ARG2: variants seen among roughly 807,000 people sequenced by gnomAD.
ARG2 encodes arginase 2.
In ARG2, 21 loss-of-function variants were observed where a neutral mutation model predicts 39.4. The ratio of observed to expected loss-of-function variants is 0.53; its 90% CI spans 0.38 to 0.77. The LOEUF is 0.77. ARG2 is among the 30% of genes least tolerant of loss of function. The pLI is 0.00. For synonymous variants in ARG2, 150 were observed against 156.7 expected (o/e 0.96, Z 0.32); for missense variants, 378 against 426.2 (o/e 0.89, Z 1.00).
intron 2 of ARG2, among the ~76,000 whole-genome samples, chr14:67,631,800 T>C (rs2036921586): frequency 6.6e-6 from 1 of 152,168 alleles, no homozygotes; most frequent in South Asian, 2.1e-4. Context: ...ATTCTCCTGC[T>C]TTATCCTGTC....
chr14:67,627,381 G>T (rs182943767), intron 2 of ARG2, among the ~76,000 whole-genome samples: 1 of 151,370 alleles, frequency 6.6e-6, no homozygotes, highest in Non-Finnish European at 1.5e-5. Context: ...AGTTTTATGT[G>T]TTTATATTTT....
intron 2 of ARG2, among the ~76,000 whole-genome samples, chr14:67,621,382 C>G (rs930289745): frequency 6.6e-6 from 1 of 152,014 alleles, no homozygotes; most frequent in African/African-American, 2.4e-5. Flanking sequence ...TTACTGGAAG[C>G]AGTAATATAG....
rs869215946 is a variant in ARG2 at position 67,642,793 on chromosome 14, CTTTTTTTTTTTTT to C, written c.362+445_362+457del. Among the ~76,000 whole-genome samples, 343 of 75,572 alleles carry C rather than the reference CTTTTTTTTTTTTT, an allele frequency of 4.5e-3. 7 individuals are homozygous for C. Among genetic ancestry groups the C allele is most frequent in the African/African-American group, 0.018 (332 of 18,268 alleles). 49.6% of individuals were successfully genotyped at this position (75,572 alleles called of 152,430 possible). A position where few individuals can be genotyped will look rare whatever the true frequency, so the allele number is the denominator to read the frequency against. ...CCCCTTTGGCATGTTACTACATTTT[CTTTTTTTTTTTTT>C]TTTTTTTTTTTTTTGAGATAGGGTC... On this transcript the variant is annotated intron_variant, in intron 3 of 7. Coordinates refer to ENST00000261783, the MANE Select transcript of ARG2 (RefSeq NM_001172.4).
In ARG2 at chr14:67,642,382, G is replaced by T. The variant is rs377149329; in HGVS notation, c.362+19G>T. 5.6e-6 allele frequency: 9 copies of T among 1,612,268 alleles called. No individual in the cohort carries two copies. The African/African-American group carries it at 1.2e-4, about 22-fold the overall frequency. The stretch of plus-strand genomic sequence containing the variant: ...ACCACAGGTAAGCTGGGAGCCAGGC[G>T]TGGTGAGGGGATGGATTACATGGTG... On this transcript the variant is annotated intron_variant, in intron 3 of 7. Transcript: ENST00000261783.
In ARG2 at chr14:67,650,866, T is replaced by G; in HGVS notation, c.1011T>G (p.Leu337=). Residue 337 remains leucine (L), a synonymous_variant, in exon 8 of 8, where the codon CTT becomes CTG. Coordinates refer to ENST00000261783, the MANE Select transcript of ARG2 (RefSeq NM_001172.4). ...REGGHIVYDQ[L]PTPSSPDESE... is the part of the protein sequence containing the mutation. ...GAGGGCATATTGTCTATGACCAACT[T>G]CCTACTCCCAGTTCACCAGATGAAT... The G allele has an allele frequency of 6.2e-7, 1 of 1,614,210 alleles. No individual in the cohort carries two copies. The highest frequency in any genetic ancestry group is 8.5e-7 in the Non-Finnish European group (1 of 1,180,024).
rs1197649091 is a variant in ARG2, at chr14:67,619,951, C to T, written c.-27C>T. On this transcript the variant is annotated 5_prime_UTR_variant, in exon 1 of 8. Coordinates refer to ENST00000261783, the MANE Select transcript of ARG2 (RefSeq NM_001172.4). ...GGCTTCCAACCGCGCGGAGCCTCTG[C>T]CTTGGAGATTCTCAGTGCTGCGGAT... 5.3e-6 allele frequency: 8 copies of T among 1,511,960 alleles called. No homozygotes were observed. The highest frequency in any genetic ancestry group is 7.2e-6 in the Non-Finnish European group (8 of 1,115,444). The allele number at this position is 1,511,960 out of a possible 1,614,324, so 93.7% of individuals were successfully genotyped here. A position where few individuals can be genotyped will look rare whatever the true frequency, so the allele number is the denominator to read the frequency against.
chr14:67,647,263 C>A, intron 6 of ARG2: 1 of 426,486 alleles, frequency 2.3e-6, no homozygotes, highest in Non-Finnish European at 4.2e-6. Flanking sequence ...TTCTTTATCT[C>A]CATCTTTAAT....
At chr14:67,634,430 CAAAAAAAA>C (rs574075570) in intron 2 of ARG2, among the ~76,000 whole-genome samples, 1 of 114,474 alleles carries the variant, frequency 8.7e-6, no homozygotes, top group Admixed American at 8.9e-5. Flanking sequence ...CTATCTCTAC[CAAAAAAAA>C]AAAAAAAAAA....
At chr14:67,642,430 CTTT>C in intron 3 of ARG2, 67 bp downstream of exon 3, 1 of 1,538,782 alleles carries the variant, frequency 6.5e-7, no homozygotes, top group Non-Finnish European at 8.8e-7. Flanking sequence ...AACTTAGCTT[CTTT>C]ATCTGTTTCT....
chr14:67,631,785 C>G (rs1446643216), intron 2 of ARG2, among the ~76,000 whole-genome samples: 1 of 152,064 alleles, frequency 6.6e-6, no homozygotes, highest in Non-Finnish European at 1.5e-5. Flanking sequence ...AGGATTCTGT[C>G]CTTGATTCTC....
intron 7 of ARG2, chr14:67,649,396 G>GT (rs1034869512): frequency 7.2e-5 from 11 of 152,230 alleles, no homozygotes; most frequent in African/African-American, 2.6e-4. Flanking sequence ...TACTTGGGAG[G>GT]TTGAGGCTGC....
At chr14:67,631,193 C>A (rs1306082579) in intron 2 of ARG2, among the ~76,000 whole-genome samples, 2 of 152,172 alleles carry the variant, frequency 1.3e-5, no homozygotes, top group East Asian at 3.8e-4. Flanking sequence ...TTCTTCAGAG[C>A]CAACTTCCTG....
intron 7 of ARG2, 112 bp downstream of exon 7, chr14:67,648,295 G>C: frequency 2.3e-6 from 3 of 1,280,474 alleles, no homozygotes; most frequent in Non-Finnish European, 3.2e-6. Context: ...GTTTGTTTTT[G>C]CTTAAACTTT....
intron 2 of ARG2, among the ~76,000 whole-genome samples, chr14:67,628,594 G>GT (rs1172881643): frequency 6.6e-6 from 1 of 152,104 alleles, no homozygotes; most frequent in East Asian, 1.9e-4. Flanking sequence ...CTTATCAAAA[G>GT]TTTTTTGATA....
chr14:67,632,738 ATAT>A (rs1292290046), intron 2 of ARG2, among the ~76,000 whole-genome samples: 1 of 151,560 alleles, frequency 6.6e-6, no homozygotes, highest in African/African-American at 2.4e-5. Flanking sequence ...AAGCACACAA[ATAT>A]TATGAAATAG....
At chr14:67,639,623 C>T (rs2037008575) in intron 2 of ARG2, among the ~76,000 whole-genome samples, 1 of 152,010 alleles carries the variant, frequency 6.6e-6, no homozygotes, top group Non-Finnish European at 1.5e-5. Flanking sequence ...ATTGTCCATT[C>T]AAGATCTGTA....
chr14:67,643,422 G>C (rs1289299296), intron 3 of ARG2, among the ~76,000 whole-genome samples: 1 of 152,208 alleles, frequency 6.6e-6, no homozygotes, highest in African/African-American at 2.4e-5. Context: ...TGAAGTACTA[G>C]GAGTATTGAG....
intron 2 of ARG2, among the ~76,000 whole-genome samples, chr14:67,630,569 A>C (rs2036908437): frequency 6.6e-6 from 1 of 152,114 alleles, no homozygotes; most frequent in Admixed American, 6.5e-5. Flanking sequence ...TAGTAAATAT[A>C]GTTTTTATGT....
intron 4 of ARG2, among the ~76,000 whole-genome samples, chr14:67,646,244 T>G (rs188605220): frequency 3.9e-5 from 6 of 152,282 alleles, no homozygotes; most frequent in Admixed American, 3.9e-4. Flanking sequence ...CTACAAAGAT[T>G]ATTCATTGGG....
Sources: gnomAD v4.1 joint callset for allele counts (sites outside exome capture counted in the v4.1 genomes callset) on GRCh38, gnomAD v4.1.1 for gene constraint, MANE v1.5 for transcripts, NCBI Gene and HGNC (gene_info 2026-07-23, HGNC 2026-07-21) for gene names.